Variants in TNS3 observed in about 807,000 individuals in gnomAD.
The protein encoded by TNS3 is tensin-3.
Under a neutral mutation model 140.9 loss-of-function variants are expected in TNS3, and 45 were observed. The observed-to-expected ratio is 0.32, with a 90% CI of 0.25 to 0.41. The LOEUF (loss-of-function observed/expected upper bound fraction) is 0.41. Among genes scored for constraint, TNS3 ranks in the 10% least tolerant of loss-of-function variants. The probability of loss-of-function intolerance (pLI) is 1.00; values close to 1 mark genes in which losing one functional copy is unlikely to be tolerated. For synonymous variants in TNS3, 815 were observed against 788.4 expected (o/e 1.03, Z -0.56); for missense variants, 1,716 against 1,906.7 (o/e 0.90, Z 1.86).
chr7:47,409,899 C>A (rs1253460022), intron 13 of TNS3, among the ~76,000 whole-genome samples: 1 of 152,128 alleles, frequency 6.6e-6, no homozygotes, highest in Non-Finnish European at 1.5e-5. Context: ...CCTCGTGATC[C>A]GCCCACCTCA....
intron 4 of TNS3, among the ~76,000 whole-genome samples, chr7:47,464,757 C>T (rs1796634868): frequency 6.6e-6 from 1 of 152,158 alleles, no homozygotes; most frequent in Non-Finnish European, 1.5e-5. Context: ...ACCTTGTCAC[C>T]ACATGCAATG....
chr7:47,531,451 G>C (rs1207375883), intron 1 of TNS3, among the ~76,000 whole-genome samples: 1 of 152,148 alleles, frequency 6.6e-6, no homozygotes, highest in Non-Finnish European at 1.5e-5. Flanking sequence ...ATTAAAGACA[G>C]TGCTTGGGCA....
chr7:47,330,489 G>T (rs980657809), intron 20 of TNS3, among the ~76,000 whole-genome samples: 2 of 152,134 alleles, frequency 1.3e-5, no homozygotes, highest in African/African-American at 4.8e-5. Flanking sequence ...CTCTGCTCTG[G>T]AAATGTCCTG....
At chr7:47,535,353 A>G (rs2151953064) in intron 1 of TNS3, among the ~76,000 whole-genome samples, 1 of 152,350 alleles carries the variant, frequency 6.6e-6, no homozygotes, top group East Asian at 1.9e-4. Flanking sequence ...AAAGAGGGAA[A>G]CAGCATAAGC....
intron 4 of TNS3, among the ~76,000 whole-genome samples, chr7:47,463,171 G>A (rs941941365): frequency 6.6e-6 from 1 of 152,172 alleles, no homozygotes; most frequent in Non-Finnish European, 1.5e-5. Flanking sequence ...TTGGCCGGGT[G>A]CAGTGGCTCA....
At chr7:47,361,215 A>AAAAAAAAAAAAAAAAAAAAAAAAAAAAC in intron 17 of TNS3, among the ~76,000 whole-genome samples, 1 of 146,576 alleles carries the variant, frequency 6.8e-6, no homozygotes, top group Non-Finnish European at 1.5e-5. Context: ...CCAAAAAAAA[A>AAAAAAAAAAAAAAAAAAAAAAAAAAAAC]AAAAAAAAAC....
rs1329667480 is a variant in TNS3 at position 47,552,418 on chromosome 7, T to G, written c.-264-23271A>C. 3.3e-5 allele frequency among the ~76,000 whole-genome samples: 5 copies of G among 152,068 alleles called. No individual in the cohort carries two copies. The South Asian group carries it at 1.0e-3, about 31-fold the overall frequency. ...TTTATTGAACTTTGCAGATACTCAG[T>G]TTTTTTTAACAAACTAAAGGTTTGT... is the stretch of plus-strand genomic sequence containing the variant. On this transcript the variant is annotated intron_variant, in intron 1 of 30. Transcript: ENST00000311160.
chr7:47,401,986 C>G (rs763493732), intron 13 of TNS3, among the ~76,000 whole-genome samples: 6 of 152,222 alleles, frequency 3.9e-5, no homozygotes, highest in Non-Finnish European at 8.8e-5. Flanking sequence ...AGAGACTTTT[C>G]TTGGAGAAAG....
intron 2 of TNS3, among the ~76,000 whole-genome samples, chr7:47,514,234 C>T (rs1248362970): frequency 6.6e-6 from 1 of 152,236 alleles, no homozygotes; most frequent in East Asian, 1.9e-4. Context: ...GCCCAATGCC[C>T]ACATTCACTG....
intron 9 of TNS3, among the ~76,000 whole-genome samples, chr7:47,427,800 T>TC (rs1424928084): frequency 6.6e-6 from 1 of 152,168 alleles, no homozygotes; most frequent in East Asian, 1.9e-4. Flanking sequence ...GAGCCTCACC[T>TC]CCCTCATCCA....
chr7:47,551,470 G>A (rs1434159804), intron 1 of TNS3, among the ~76,000 whole-genome samples: 3 of 152,200 alleles, frequency 2.0e-5, no homozygotes, highest in Non-Finnish European at 2.9e-5. Context: ...AGGCCAAAGG[G>A]AAGGAGCTAG....
intron 20 of TNS3, among the ~76,000 whole-genome samples, chr7:47,343,375 G>T (rs1380543526): frequency 6.6e-6 from 1 of 152,232 alleles, no homozygotes; most frequent in Non-Finnish European, 1.5e-5. Flanking sequence ...CTCAGGAGCT[G>T]TTAATGAGTT....
rs543251547 is a variant in TNS3, at chr7:47,303,185, C to T, written c.3222G>A (p.Ala1074=). The change falls in exon 22 of 31, where the codon GCG becomes GCA. Residue 1074 remains alanine (A), a synonymous_variant. Coordinates refer to ENST00000311160, the MANE Select transcript of TNS3 (RefSeq NM_022748.12). ...GACTGTGGTGGCTGCTGTGTCCAGG[C>T]GCCACCGTGAGAAAGTTGTGGGACA... ...GFLSHNFLTV[A]PGHSSHHSPG... 6.2e-6 allele frequency: 10 copies of T among 1,613,340 alleles called. No homozygotes were observed. Among genetic ancestry groups the T allele is most frequent in the African/African-American group, 1.3e-5 (1 of 74,918 alleles).
intron 11 of TNS3, among the ~76,000 whole-genome samples, chr7:47,414,582 G>C (rs1793970186): frequency 6.6e-6 from 1 of 152,190 alleles, no homozygotes; most frequent in African/African-American, 2.4e-5. Context: ...GTGATCCCCA[G>C]TCGTGTGCTG....
At chr7:47,353,442 T>A (rs1789802371) in intron 17 of TNS3, among the ~76,000 whole-genome samples, 1 of 152,220 alleles carries the variant, frequency 6.6e-6, no homozygotes, top group Admixed American at 6.5e-5. Flanking sequence ...CCAAAGTGAC[T>A]GATTTATGGT....
At chr7:47,447,248 ATGTT>A (rs3037478) in intron 4 of TNS3, among the ~76,000 whole-genome samples, 61,245 of 149,036 alleles carry the variant, frequency 0.41, 14,193 homozygotes, top group Non-Finnish European at 0.52. Context: ...GGTTCCACAT[ATGTT>A]TGTTTGTTTG....
At chr7:47,330,124 C>A (rs973173236) in intron 20 of TNS3, among the ~76,000 whole-genome samples, 3 of 152,170 alleles carry the variant, frequency 2.0e-5, no homozygotes, top group Non-Finnish European at 4.4e-5. Flanking sequence ...TCTGCTCCCC[C>A]CACCCAAACA....
intron 16 of TNS3, among the ~76,000 whole-genome samples, chr7:47,385,419 T>A (rs2151252654): frequency 6.6e-6 from 1 of 152,336 alleles, no homozygotes; most frequent in Non-Finnish European, 1.5e-5. Flanking sequence ...TCCAGCCCTG[T>A]CCTGGCCTCT....
At position 47,406,854 on chromosome 7, in the gene TNS3, G is replaced by A. The variant is rs116661906; in HGVS notation, c.723+4873C>T. Among the ~76,000 whole-genome samples the A allele has an allele frequency of 7.2e-3, 1,094 of 152,274 alleles. 5 individuals are homozygous for A. Among genetic ancestry groups the A allele is most frequent in the African/African-American group, 0.025 (1,020 of 41,560 alleles). On this transcript the variant is annotated intron_variant, in intron 13 of 30. Coordinates refer to ENST00000311160, the MANE Select transcript of TNS3 (RefSeq NM_022748.12). ...GCTCAGTGAACCTGCAGCAGGGCAC[G>A]TCACGCAGGCACAGGGAAAAACTGA...
Sources: allele counts gnomAD v4.1 joint callset (sites outside exome capture counted in the v4.1 genomes callset), GRCh38; gene constraint gnomAD v4.1.1; transcripts MANE v1.5; gene names NCBI Gene and HGNC (gene_info 2026-07-23, HGNC 2026-07-21).